Variants in PDZD2 observed in about 807,000 individuals in gnomAD.
The protein encoded by PDZD2 is PDZ domain containing 2, also known as PDZ domain-containing protein 2.
A neutral mutation model predicts 220.7 loss-of-function variants in PDZD2; 90 were observed. The observed-to-expected ratio is 0.41, with a 90% confidence interval of 0.34 to 0.49. The LOEUF (loss-of-function observed/expected upper bound fraction) is 0.49. PDZD2 is among the 20% of genes least tolerant of loss of function. The pLI, the probability that PDZD2 is intolerant of heterozygous loss-of-function variation, is 0.28. For missense variants in PDZD2, 3,174 were observed against 3,608.5 expected (o/e 0.88, Z 3.08); for synonymous variants, 1,375 against 1,450.5 (o/e 0.95, Z 1.18).
intron 2 of PDZD2, among the ~76,000 whole-genome samples, chr5:31,928,533 T>C (rs753566004): frequency 7.2e-5 from 11 of 152,080 alleles, no homozygotes; most frequent in Non-Finnish European, 1.5e-4. Flanking sequence ...TGGAGTGCAA[T>C]GGCTCGATCT....
intron 2 of PDZD2, among the ~76,000 whole-genome samples, chr5:31,874,387 A>T (rs1442453324): frequency 6.6e-6 from 1 of 152,176 alleles, no homozygotes; most frequent in Non-Finnish European, 1.5e-5. Flanking sequence ...CAAGGATGGG[A>T]TTATAAATAA....
intron 1 of PDZD2, among the ~76,000 whole-genome samples, chr5:31,730,686 A>T (rs1192146844): frequency 4.6e-5 from 7 of 151,822 alleles, no homozygotes; most frequent in African/African-American, 1.7e-4. Flanking sequence ...GACCTAGGGG[A>T]TCAGTATTTT....
rs1436113870 is a variant in PDZD2, at chr5:32,083,556, G to A, written c.3683-3575G>A. 1 of 152,184 alleles carries A rather than the reference G, an allele frequency of 6.6e-6. No homozygotes were observed. Among genetic ancestry groups the A allele is most frequent in the African/African-American group, 2.4e-5 (1 of 41,424 alleles). The allele number at this position is 152,184 out of a possible 1,614,324, so 9.4% of individuals were successfully genotyped here. A position where few individuals can be genotyped will look rare whatever the true frequency, so the allele number is the denominator to read the frequency against. ...GTTGTCTTGAAAGGTGACAACCAAA[G>A]GCTGCCTCAGTGTAACCTCGTCTCC... On this transcript the variant is annotated intron_variant, in intron 19 of 24. Transcript: ENST00000438447. This position sits in a 1 kb window ranked among gnomAD's most constrained non-coding sequence, Gnocchi z 4.1.
rs114021566 is a variant in PDZD2 at position 31,707,590 on chromosome 5, A to C, written c.-361+68153A>C. Among the ~76,000 whole-genome samples, 52 of 152,302 alleles carry C rather than the reference A, an allele frequency of 3.4e-4. No homozygotes were observed. The South Asian group carries it at 0.011, about 31-fold the overall frequency. On this transcript the variant is annotated intron_variant, in intron 1 of 24. Transcript: ENST00000438447. ...GGCTAATATGAGTAATACAGTCTGTATAGAAAGATAGAGCCACACCCACGT... is the reference window on the plus strand; with the variant it reads ...GGCTAATATGAGTAATACAGTCTGTCTAGAAAGATAGAGCCACACCCACGT...
At chr5:31,660,410 C>A (rs1032609275) in intron 1 of PDZD2, among the ~76,000 whole-genome samples, 2 of 151,900 alleles carry the variant, frequency 1.3e-5, no homozygotes, top group African/African-American at 4.8e-5. Flanking sequence ...TGAAGAAATA[C>A]CTGAGATTGG....
intron 2 of PDZD2, among the ~76,000 whole-genome samples, chr5:31,864,489 G>A (rs1738006779): frequency 6.6e-6 from 1 of 151,856 alleles, no homozygotes; most frequent in Admixed American, 6.6e-5. Flanking sequence ...TAAAATGCCA[G>A]TTACGTTTAC....
In PDZD2 at chr5:31,671,833, C is replaced by G. The variant is rs531481034; in HGVS notation, c.-361+32396C>G. On this transcript the variant is annotated intron_variant, in intron 1 of 24. Coordinates refer to ENST00000438447, the MANE Select transcript of PDZD2 (RefSeq NM_178140.4). ...GGCTCTGAGTCTGTAGTTATGCGGT[C>G]AGGTCTGAAGCTTTGCATTTAAAGG... Among the ~76,000 whole-genome samples the G allele has an allele frequency of 7.9e-5, 12 of 152,348 alleles. No individual in the cohort carries two copies. In the South Asian group the frequency reaches 2.5e-3, roughly 32 times the overall value.
intron 1 of PDZD2, among the ~76,000 whole-genome samples, chr5:31,746,984 G>A (rs1750641110): frequency 6.6e-6 from 1 of 152,188 alleles, no homozygotes; most frequent in Non-Finnish European, 1.5e-5. Context: ...AGACCAGCCT[G>A]ACCAACATAG....
chr5:31,942,740 A>C (rs754036253), intron 2 of PDZD2, among the ~76,000 whole-genome samples: 1 of 152,228 alleles, frequency 6.6e-6, no homozygotes, highest in Non-Finnish European at 1.5e-5. Context: ...TGTTAGAGAA[A>C]TGCCTCATGG....
intron 6 of PDZD2, among the ~76,000 whole-genome samples, chr5:32,016,821 C>G (rs2112116281): frequency 6.6e-6 from 1 of 152,282 alleles, no homozygotes; most frequent in South Asian, 2.1e-4. Context: ...GCCTGGGCCC[C>G]CAGCATGCAG....
chr5:32,008,429 C>T (rs1321131249), intron 5 of PDZD2, among the ~76,000 whole-genome samples: 3 of 151,856 alleles, frequency 2.0e-5, no homozygotes, highest in Non-Finnish European at 2.9e-5. Context: ...TACAGTTGCC[C>T]GCCCACCACA....
rs1401585182 is a variant in PDZD2 at position 32,087,451 on chromosome 5, C to A, written c.4003C>A (p.Pro1335Thr). The stretch of plus-strand genomic sequence containing the variant: ...GGGACCTGGAGCAGAGGGAATGACA[C>A]CAGCTGGTGCTGTCCTGCCAGGAGA... ...GAGPGAEGMT[P>T]AGAVLPGDPL... is the part of the protein sequence containing the mutation. Residue 1335 changes from proline to threonine, a missense_variant, in exon 20 of 25, where the codon CCA becomes ACA. Pro to Thr is a conservative substitution (Grantham distance 38, BLOSUM62 -1). Coordinates refer to ENST00000438447, the MANE Select transcript of PDZD2 (RefSeq NM_178140.4). The surrounding 1 kb of genome is among the most constrained non-coding windows in gnomAD (Gnocchi z 4.0). 1 of 1,614,036 alleles carries A rather than the reference C, an allele frequency of 6.2e-7. No individual in the cohort carries two copies. The highest frequency in any genetic ancestry group is 1.1e-5 in the South Asian group (1 of 91,074).
intron 8 of PDZD2, among the ~76,000 whole-genome samples, chr5:32,050,375 G>A (rs964969447): frequency 1.3e-5 from 2 of 152,202 alleles, no homozygotes; most frequent in African/African-American, 4.8e-5. Context: ...ACACTTCAGG[G>A]ATCGGGAAGC....
chr5:32,107,918 G>T (rs1399545432), intron 24 of PDZD2, 51 bp from the exon 25 acceptor site: 7 of 1,316,556 alleles, frequency 5.3e-6, no homozygotes, highest in East Asian at 2.4e-5. Flanking sequence ...TAGGATTTTT[G>T]AATACTATGA....
chr5:31,869,578 A>AT (rs1414340163), intron 2 of PDZD2, among the ~76,000 whole-genome samples: 5 of 152,094 alleles, frequency 3.3e-5, no homozygotes, highest in African/African-American at 1.2e-4. Flanking sequence ...GAAAAAAAAA[A>AT]CAAAAGAAAA....
At chr5:32,046,763 C>T (rs2112278313) in intron 7 of PDZD2, among the ~76,000 whole-genome samples, 1 of 152,238 alleles carries the variant, frequency 6.6e-6, no homozygotes, top group Non-Finnish European at 1.5e-5. Context: ...AAAAAATGGG[C>T]CAGGCGCAAT....
chr5:31,853,007 C>G (rs1220553764), intron 2 of PDZD2, among the ~76,000 whole-genome samples: 3 of 152,192 alleles, frequency 2.0e-5, no homozygotes, highest in Non-Finnish European at 4.4e-5. Flanking sequence ...AAAAAACACT[C>G]AGAAAGGAAG....
At chr5:31,923,664 C>T in intron 2 of PDZD2, 1 of 670,134 alleles carries the variant, frequency 1.5e-6, no homozygotes, top group Non-Finnish European at 2.8e-6. Context: ...CACAGATGAA[C>T]CTGTAGCAGA....
intron 1 of PDZD2, among the ~76,000 whole-genome samples, chr5:31,668,353 G>A (rs1434421297): frequency 1.3e-5 from 2 of 152,140 alleles, no homozygotes; most frequent in African/African-American, 2.4e-5. Context: ...TTAGAACCAC[G>A]GGGCTGCCCA....
Sources: gnomAD v4.1 joint callset for allele counts (sites outside exome capture counted in the v4.1 genomes callset) on GRCh38, gnomAD v4.1.1 for gene constraint, Gnocchi (gnomAD v3.1) non-coding constraint, MANE v1.5 for transcripts, NCBI Gene and HGNC (gene_info 2026-07-23, HGNC 2026-07-21) for gene names.